PRTFDC1: variants seen among roughly 807,000 people sequenced by gnomAD.
The protein encoded by PRTFDC1 is phosphoribosyl transferase domain containing 1.
A neutral mutation model predicts 34.6 loss-of-function variants in PRTFDC1; 38 were observed. The ratio of observed to expected loss-of-function variants is 1.10; its 90% CI spans 0.85 to 1.44. The LOEUF is 1.44. Among genes scored for constraint, PRTFDC1 ranks in the 40% most tolerant of loss-of-function variants. The pLI, the probability that PRTFDC1 is intolerant of heterozygous loss-of-function variation, is 0.00. For missense variants in PRTFDC1, 270 were observed against 283.0 expected, an observed-to-expected ratio of 0.95 and a Z score of 0.33; for synonymous variants, 93 against 98.1, an observed-to-expected ratio of 0.95 and a Z score of 0.31.
rs546297480 is a variant in PRTFDC1, at chr10:24,952,518, T to A, written c.48+10A>T. The A allele has an allele frequency of 2.5e-4, 389 of 1,583,772 alleles. 4 individuals are homozygous for A. The East Asian group carries it at 3.2e-3, about 13-fold the overall frequency. Reference sequence around the variant, plus strand: ...CGGGCCGAGCCCCAAAATAGGGAGTTTGCATTTACCACGACGCCTCGCCCG... The same window carrying A: ...CGGGCCGAGCCCCAAAATAGGGAGTATGCATTTACCACGACGCCTCGCCCG... On this transcript the variant is annotated intron_variant, in intron 1 of 8. Transcript: ENST00000320152. The surrounding 1 kb of genome is among the most constrained non-coding windows in gnomAD (Gnocchi z 5.1).
At chr10:24,895,270 T>TTTTTTTTTTGTG (rs1848333789) in intron 3 of PRTFDC1, among the ~76,000 whole-genome samples, 1 of 147,836 alleles carries the variant, frequency 6.8e-6, no homozygotes. Flanking sequence ...TTTTTTTTTT[T>TTTTTTTTTTGTG]GAGATGGAGT....
intron 6 of PRTFDC1, 150 bp from the exon 7 acceptor site, chr10:24,855,514 G>A: frequency 2.4e-6 from 2 of 842,070 alleles, no homozygotes; most frequent in Admixed American, 2.4e-5. Context: ...AAGACAGCAG[G>A]TCAGGCACAG....
chr10:24,924,876 T>C (rs1848846318), intron 3 of PRTFDC1, among the ~76,000 whole-genome samples: 1 of 152,066 alleles, frequency 6.6e-6, no homozygotes, highest in Non-Finnish European at 1.5e-5. Context: ...TTGGTGGGAG[T>C]GTAAATTAGT....
chr10:24,871,814 C>G (rs1195906177), intron 4 of PRTFDC1, among the ~76,000 whole-genome samples, 184 bp downstream of exon 4: 1 of 152,100 alleles, frequency 6.6e-6, no homozygotes, highest in Non-Finnish European at 1.5e-5. Flanking sequence ...TGCATGGTGT[C>G]TTGGAAGCAT....
At chr10:24,919,988 G>A (rs1588614396) in intron 3 of PRTFDC1, among the ~76,000 whole-genome samples, 1 of 152,100 alleles carries the variant, frequency 6.6e-6, no homozygotes, top group East Asian at 1.9e-4. Flanking sequence ...TGCTGGTGAG[G>A]CTATGGAGAA....
intron 4 of PRTFDC1, among the ~76,000 whole-genome samples, chr10:24,860,780 T>G (rs573033354): frequency 1.3e-5 from 2 of 152,282 alleles, no homozygotes; most frequent in South Asian, 2.1e-4. Flanking sequence ...CAACAAGAAT[T>G]TCTATGATCC....
chr10:24,894,730 C>G (rs1848320887), intron 3 of PRTFDC1, among the ~76,000 whole-genome samples: 1 of 152,212 alleles, frequency 6.6e-6, no homozygotes, highest in South Asian at 2.1e-4. Context: ...AACCACCCTC[C>G]TCCTGGGAGA....
At chr10:24,938,440 T>G (rs1849090381) in intron 2 of PRTFDC1, among the ~76,000 whole-genome samples, 1 of 152,228 alleles carries the variant, frequency 6.6e-6, no homozygotes, top group African/African-American at 2.4e-5. Flanking sequence ...TGGGGCATTC[T>G]TGTGTGGGGA....
At chr10:24,940,188 A>G (rs1173406685) in intron 2 of PRTFDC1, among the ~76,000 whole-genome samples, 1 of 152,206 alleles carries the variant, frequency 6.6e-6, no homozygotes, top group Non-Finnish European at 1.5e-5. Context: ...GAGAAGCACC[A>G]TCAACTGACT....
intron 1 of PRTFDC1, among the ~76,000 whole-genome samples, chr10:24,949,078 C>T (rs576186762): frequency 6.6e-5 from 10 of 152,248 alleles, no homozygotes; most frequent in African/African-American, 2.2e-4. Flanking sequence ...GAAATGCTTG[C>T]TATTATTACC....
intron 2 of PRTFDC1, among the ~76,000 whole-genome samples, chr10:24,939,743 G>A (rs1184049839): frequency 1.4e-5 from 2 of 140,940 alleles, no homozygotes; most frequent in East Asian, 2.2e-4. Context: ...GCAGTGAGCC[G>A]AGATTGTGCC....
chr10:24,916,190 T>C (rs1043419635), intron 3 of PRTFDC1, among the ~76,000 whole-genome samples: 3 of 152,180 alleles, frequency 2.0e-5, no homozygotes, highest in East Asian at 1.9e-4. Flanking sequence ...CTATAAGATA[T>C]ATACAGAAAT....
chr10:24,913,809 A>T (rs1848659409), intron 3 of PRTFDC1, among the ~76,000 whole-genome samples: 1 of 152,212 alleles, frequency 6.6e-6, no homozygotes, highest in African/African-American at 2.4e-5. Context: ...CACACAAAGC[A>T]GTTGTAGATT....
chr10:24,873,148 T>C (rs1847906284), intron 3 of PRTFDC1, among the ~76,000 whole-genome samples: 1 of 152,034 alleles, frequency 6.6e-6, no homozygotes. Flanking sequence ...TTAGAAGACT[T>C]TTCATTCAAA....
chr10:24,874,700 G>A (rs1358170511), intron 3 of PRTFDC1, among the ~76,000 whole-genome samples: 1 of 152,178 alleles, frequency 6.6e-6, no homozygotes, highest in Non-Finnish European at 1.5e-5. Context: ...ACTTAAGAAA[G>A]TCCTACTTCT....
intron 4 of PRTFDC1, among the ~76,000 whole-genome samples, chr10:24,864,091 G>C (rs930978562): frequency 6.0e-5 from 9 of 151,024 alleles, no homozygotes; most frequent in Non-Finnish European, 1.2e-4. Context: ...AACTGAATTA[G>C]AAGTGGAGCC....
At chr10:24,895,253 CTTTTTTT>C (rs60331186) in intron 3 of PRTFDC1, among the ~76,000 whole-genome samples, 1 of 105,190 alleles carries the variant, frequency 9.5e-6, no homozygotes, top group Non-Finnish European at 1.8e-5. Context: ...TCTCCACTTT[CTTTTTTT>C]TTTTTTTTTT....
intron 3 of PRTFDC1, among the ~76,000 whole-genome samples, chr10:24,874,991 A>G (rs945350500): frequency 6.6e-6 from 1 of 152,152 alleles, no homozygotes; most frequent in Non-Finnish European, 1.5e-5. Context: ...TCCTGCCATC[A>G]TGTGAAGAAG....
At chr10:24,902,177 GAGGGAGGTGATTATCCAGGATTT>G (rs1409207510) in intron 3 of PRTFDC1, among the ~76,000 whole-genome samples, 10 of 152,120 alleles carry the variant, frequency 6.6e-5, no homozygotes, top group Admixed American at 2.0e-4. Flanking sequence ...CTGGATGGAG[GAGGGAGGTGATTATCCAGGATTT>G]TTTTTTTTTC....
Sources: gnomAD v4.1 joint callset for allele counts (sites outside exome capture counted in the v4.1 genomes callset) on GRCh38, gnomAD v4.1.1 for gene constraint, Gnocchi (gnomAD v3.1) non-coding constraint, MANE v1.5 for transcripts, NCBI Gene and HGNC (gene_info 2026-07-23, HGNC 2026-07-21) for gene names.